DUSP29: variants seen among roughly 807,000 people sequenced by gnomAD.
DUSP29 encodes the protein dual specificity phosphatase 29, also known as atypical dual-specific protein phosphatase.
Under a neutral mutation model 13.5 loss-of-function variants are expected in DUSP29, and 12 were observed. That is an observed-to-expected ratio of 0.89 (90% CI 0.57 to 1.44). The LOEUF is 1.44. Among genes scored for constraint, DUSP29 ranks in the 40% most tolerant of loss-of-function variants. DUSP29 has a pLI of 0.00. For missense variants in DUSP29, 308 were observed against 301.1 expected, an observed-to-expected ratio of 1.02 and a Z score of -0.17; for synonymous variants, 134 against 128.7, an observed-to-expected ratio of 1.04 and a Z score of -0.28.
intron 1 of DUSP29, among the ~76,000 whole-genome samples, chr10:75,067,609 A>G (rs1451324105): frequency 1.3e-5 from 2 of 152,070 alleles, no homozygotes; most frequent in African/African-American, 4.8e-5. Flanking sequence ...GCCCCTGTGT[A>G]GGGTTGGGCT....
intron 1 of DUSP29, among the ~76,000 whole-genome samples, chr10:75,068,733 G>T (rs899061182): frequency 6.6e-6 from 1 of 152,286 alleles, no homozygotes; most frequent in East Asian, 1.9e-4. Flanking sequence ...GCTAGGGTAC[G>T]TGGGGAGGGG....
chr10:75,039,200 C>T (rs1419373171), intron 3 of DUSP29, among the ~76,000 whole-genome samples: 1 of 152,174 alleles, frequency 6.6e-6, no homozygotes, highest in Non-Finnish European at 1.5e-5. Flanking sequence ...TTCATGACTA[C>T]AGTCAGAGCC....
chr10:75,069,528 C>T (rs1045283445), intron 1 of DUSP29, among the ~76,000 whole-genome samples: 1 of 152,142 alleles, frequency 6.6e-6, no homozygotes, highest in African/African-American at 2.4e-5. Context: ...ATGGTCCTGC[C>T]GCTCCACCAC....
chr10:75,059,237 G>A (rs1346726892), intron 1 of DUSP29, among the ~76,000 whole-genome samples: 2 of 152,192 alleles, frequency 1.3e-5, no homozygotes, highest in Non-Finnish European at 2.9e-5. Context: ...GCTGTGCCTC[G>A]AGACTGAAAT....
At chr10:75,066,685 C>T (rs1247007410) in intron 1 of DUSP29, among the ~76,000 whole-genome samples, 1 of 151,988 alleles carries the variant, frequency 6.6e-6, no homozygotes, top group Non-Finnish European at 1.5e-5. Flanking sequence ...AGAAGCTCAC[C>T]CAAAACCCCC....
chr10:75,062,734 C>T (rs1230644905), intron 1 of DUSP29, among the ~76,000 whole-genome samples: 1 of 152,156 alleles, frequency 6.6e-6, no homozygotes, highest in Non-Finnish European at 1.5e-5. Context: ...TCCCAGATCA[C>T]AGCCAACATG....
At chr10:75,044,142 G>C in intron 2 of DUSP29, 125 bp from the exon 3 acceptor site, 1 of 912,404 alleles carries the variant, frequency 1.1e-6, no homozygotes, top group East Asian at 2.6e-5. Context: ...TATTGCAAAT[G>C]AAGTCCCAAA....
chr10:75,049,263 C>T (rs1846773265), intron 2 of DUSP29, among the ~76,000 whole-genome samples: 1 of 152,168 alleles, frequency 6.6e-6, no homozygotes, highest in African/African-American at 2.4e-5. Flanking sequence ...ATAAGGTGGC[C>T]TCGGGGTTTT....
chr10:75,038,647 C>A (rs192966870), intron 3 of DUSP29, among the ~76,000 whole-genome samples: 1 of 150,494 alleles, frequency 6.6e-6, no homozygotes, highest in African/African-American at 2.4e-5. Flanking sequence ...GTTCATTAAG[C>A]CTTTTGGGGG....
chr10:75,053,002 T>G (rs764722950), intron 2 of DUSP29, among the ~76,000 whole-genome samples: 1 of 152,242 alleles, frequency 6.6e-6, no homozygotes, highest in African/African-American at 2.4e-5. Flanking sequence ...TTCTCTCTGC[T>G]GCAAGGCTGG....
At chr10:75,038,844 C>T (rs1043323796) in intron 3 of DUSP29, among the ~76,000 whole-genome samples, 3 of 152,110 alleles carry the variant, frequency 2.0e-5, no homozygotes, top group Admixed American at 2.0e-4. Flanking sequence ...TGAGGCCGGG[C>T]GCGGTGGCTC....
chr10:75,056,659 T>A (rs1846965571), intron 2 of DUSP29, among the ~76,000 whole-genome samples: 1 of 150,032 alleles, frequency 6.7e-6, no homozygotes, highest in African/African-American at 2.5e-5. Context: ...AGAGGGAGAC[T>A]CCATCTCAAA....
At chr10:75,064,053 T>A (rs1409087818) in intron 1 of DUSP29, among the ~76,000 whole-genome samples, 2 of 144,570 alleles carry the variant, frequency 1.4e-5, no homozygotes, top group Non-Finnish European at 3.1e-5. Flanking sequence ...TAGTTCAGAC[T>A]TTTTTTTTTT....
chr10:75,056,206 C>A (rs1846954667), intron 2 of DUSP29, among the ~76,000 whole-genome samples: 1 of 152,046 alleles, frequency 6.6e-6, no homozygotes, highest in Admixed American at 6.5e-5. Context: ...TCATAGCACC[C>A]AGCCTATGAT....
chr10:75,073,402 C>T (rs1272602253), intron 1 of DUSP29, among the ~76,000 whole-genome samples, 167 bp downstream of exon 1: 3 of 152,238 alleles, frequency 2.0e-5, no homozygotes, highest in Non-Finnish European at 4.4e-5. Flanking sequence ...TCCATGGTGT[C>T]TCTCGTAAAA....
chr10:75,045,025 A>G (rs1278668302), intron 2 of DUSP29, among the ~76,000 whole-genome samples: 1 of 152,200 alleles, frequency 6.6e-6, no homozygotes, highest in Non-Finnish European at 1.5e-5. Flanking sequence ...TTTGCAATCT[A>G]TTATGTGCCA....
At chr10:75,056,067 G>A (rs917963657) in intron 2 of DUSP29, among the ~76,000 whole-genome samples, 6 of 152,016 alleles carry the variant, frequency 3.9e-5, no homozygotes, top group Admixed American at 3.3e-4. Flanking sequence ...CCATGCTGGT[G>A]CTTTTTGTTT....
chr10:75,070,666 G>A (rs1398251977), intron 1 of DUSP29, among the ~76,000 whole-genome samples: 1 of 151,972 alleles, frequency 6.6e-6, no homozygotes, highest in Non-Finnish European at 1.5e-5. Context: ...AGTTTGGCCG[G>A]GGCGGAGGTC....
At chr10:75,051,937 A>G (rs1036538971) in intron 2 of DUSP29, among the ~76,000 whole-genome samples, 2 of 152,264 alleles carry the variant, frequency 1.3e-5, no homozygotes, top group African/African-American at 4.8e-5. Context: ...TGAGTGTCAC[A>G]GAAATCAGGG....
Sources: allele counts gnomAD v4.1 joint callset (sites outside exome capture counted in the v4.1 genomes callset), GRCh38; gene constraint gnomAD v4.1.1; transcripts MANE v1.5; gene names NCBI Gene and HGNC (gene_info 2026-07-23, HGNC 2026-07-21).